Variants in ALCAM observed in about 807,000 individuals in gnomAD.
The protein encoded by ALCAM is CD166 antigen.
A neutral mutation model predicts 70.9 loss-of-function variants in ALCAM; 30 were observed. The observed-to-expected ratio is 0.42, with a 90% CI of 0.32 to 0.57. The LOEUF (loss-of-function observed/expected upper bound fraction) is 0.57, where lower values mean the gene tolerates loss of function less well. Ranked by LOEUF, ALCAM falls within the 20% of genes least tolerant of loss-of-function variation. The pLI is 0.11. For synonymous variants in ALCAM, 249 were observed against 242.5 expected (o/e 1.03, Z -0.25); for missense variants, 591 against 695.1 (o/e 0.85, Z 1.68).
At chr3:105,376,972 T>C (rs1030076879) in intron 1 of ALCAM, among the ~76,000 whole-genome samples, 5 of 152,162 alleles carry the variant, frequency 3.3e-5, no homozygotes, top group African/African-American at 1.2e-4. Flanking sequence ...ATCTCCCTAA[T>C]TGACTTGCCA....
chr3:105,487,025 G>A (rs1938448861), intron 1 of ALCAM, among the ~76,000 whole-genome samples: 1 of 151,480 alleles, frequency 6.6e-6, no homozygotes, highest in South Asian at 2.1e-4. Flanking sequence ...TACTAGTGAA[G>A]GAAGAGGAGT....
At position 105,533,702 on chromosome 3, in the gene ALCAM, G is replaced by A; in HGVS notation, c.547+12G>A. 1.2e-6 allele frequency: 2 copies of A among 1,608,438 alleles called. No individual in the cohort carries two copies. The highest frequency in any genetic ancestry group is 1.1e-5 in the South Asian group (1 of 90,784). On this transcript the variant is annotated intron_variant, in intron 5 of 15. Transcript: ENST00000306107. The stretch of plus-strand genomic sequence containing the variant: ...TCCCCTTGAAGGAGGTGGGTGTGAG[G>A]GCAGGAGGACAGGGAGTACATTCAG...
intron 1 of ALCAM, among the ~76,000 whole-genome samples, chr3:105,491,121 T>C (rs1299531295): frequency 6.6e-6 from 1 of 152,164 alleles, no homozygotes; most frequent in Non-Finnish European, 1.5e-5. Context: ...ACACCACATG[T>C]AAGCTTCCAA....
At chr3:105,496,827 G>GGGGTGTGTGT (rs755792411) in intron 1 of ALCAM, among the ~76,000 whole-genome samples, 3,562 of 103,838 alleles carry the variant, frequency 0.034, 46 homozygotes, top group Middle Eastern at 0.081. Context: ...GTCCAATTGA[G>GGGGTGTGTGT]GTGTGTGTGT....
intron 1 of ALCAM, among the ~76,000 whole-genome samples, chr3:105,395,687 A>G (rs1935932800): frequency 6.6e-6 from 1 of 152,034 alleles, no homozygotes; most frequent in Admixed American, 6.6e-5. Context: ...AGGGAACAAG[A>G]AGTCTCTGTA....
intron 1 of ALCAM, among the ~76,000 whole-genome samples, chr3:105,496,663 G>A (rs1032803330): frequency 6.6e-6 from 1 of 152,058 alleles, no homozygotes; most frequent in Non-Finnish European, 1.5e-5. Flanking sequence ...TGACATTCTT[G>A]GTGTTAGGCA....
intron 15 of ALCAM, among the ~76,000 whole-genome samples, chr3:105,573,047 A>G (rs1576249653): frequency 6.6e-6 from 1 of 152,172 alleles, no homozygotes; most frequent in Non-Finnish European, 1.5e-5. Flanking sequence ...TAGGCCAGGT[A>G]TAGGCAATGG....
At chr3:105,532,715 T>A (rs13315085) in intron 4 of ALCAM, among the ~76,000 whole-genome samples, 12,688 of 152,180 alleles carry the variant, frequency 0.083, 668 homozygotes, top group Non-Finnish European at 0.12. Flanking sequence ...AAGAGAACGG[T>A]GTGTTTGGGA....
intron 2 of ALCAM, among the ~76,000 whole-genome samples, chr3:105,522,523 T>G (rs1473637411): frequency 6.6e-6 from 1 of 152,210 alleles, no homozygotes; most frequent in African/African-American, 2.4e-5. Flanking sequence ...TGATTTCTCC[T>G]GGATCATATT....
At chr3:105,488,509 C>T (rs977518168) in intron 1 of ALCAM, among the ~76,000 whole-genome samples, 1 of 151,956 alleles carries the variant, frequency 6.6e-6, no homozygotes, top group African/African-American at 2.4e-5. Flanking sequence ...TGGATAAAGA[C>T]ATTTTAGAGG....
At chr3:105,472,935 G>A (rs1422453984) in intron 1 of ALCAM, among the ~76,000 whole-genome samples, 1 of 151,390 alleles carries the variant, frequency 6.6e-6, no homozygotes, top group African/African-American at 2.4e-5. Context: ...GGTGCTGTGT[G>A]TATATAAGAT....
intron 1 of ALCAM, among the ~76,000 whole-genome samples, chr3:105,504,553 G>A (rs1006417064): frequency 4.8e-4 from 33 of 69,188 alleles, no homozygotes; most frequent in Non-Finnish European, 6.8e-4. Flanking sequence ...CGCCAACTCC[G>A]CGTCTGTTTC....
At chr3:105,560,534 T>A (rs1354437920) in intron 14 of ALCAM, among the ~76,000 whole-genome samples, 3 of 152,184 alleles carry the variant, frequency 2.0e-5, no homozygotes. Flanking sequence ...AAATTATTCC[T>A]TTTGATGAAG....
At chr3:105,559,976 ATACTTTCCAGTTTGGGC>A (rs1260508844) in intron 14 of ALCAM, among the ~76,000 whole-genome samples, 2 of 152,122 alleles carry the variant, frequency 1.3e-5, no homozygotes, top group Non-Finnish European at 2.9e-5. Context: ...GGACATTTGG[ATACTTTCCAGTTTGGGC>A]TACTGCAAAT....
chr3:105,415,009 G>A (rs1292024120), intron 1 of ALCAM, among the ~76,000 whole-genome samples: 1 of 152,088 alleles, frequency 6.6e-6, no homozygotes, highest in African/African-American at 2.4e-5. Context: ...AAATAGAGCT[G>A]ACTCAAGAGA....
chr3:105,392,012 A>G (rs1332349316), intron 1 of ALCAM, among the ~76,000 whole-genome samples: 1 of 151,946 alleles, frequency 6.6e-6, no homozygotes, highest in East Asian at 1.9e-4. Context: ...AGTGTTCTTC[A>G]GGGATATTGG....
chr3:105,553,878 G>A (rs1284508261), intron 14 of ALCAM, among the ~76,000 whole-genome samples: 1 of 151,878 alleles, frequency 6.6e-6, no homozygotes, highest in Non-Finnish European at 1.5e-5. Context: ...TGTGTTGAAG[G>A]AGTAGACCAT....
At chr3:105,572,928 G>T (rs925668482) in intron 15 of ALCAM, among the ~76,000 whole-genome samples, 4 of 152,166 alleles carry the variant, frequency 2.6e-5, no homozygotes, top group Admixed American at 1.3e-4. Flanking sequence ...TAAGTGCAAA[G>T]AAGCTTTATT....
intron 9 of ALCAM, among the ~76,000 whole-genome samples, chr3:105,546,386 T>A (rs752243067): frequency 1.3e-5 from 2 of 151,478 alleles, no homozygotes; most frequent in Non-Finnish European, 3.0e-5. Context: ...GATCCTCTGC[T>A]ACTTGTTGTC....
Sources: allele counts gnomAD v4.1 joint callset (sites outside exome capture counted in the v4.1 genomes callset), GRCh38; gene constraint gnomAD v4.1.1; transcripts MANE v1.5; gene names NCBI Gene and HGNC (gene_info 2026-07-23, HGNC 2026-07-21).